Variants in TIPRL observed in about 807,000 individuals in gnomAD.
The protein encoded by TIPRL is TOR signaling pathway regulator.
A neutral mutation model predicts 32.3 loss-of-function variants in TIPRL; 10 were observed. The ratio of observed to expected loss-of-function variants is 0.31; its 90% CI spans 0.19 to 0.52. TIPRL has a LOEUF of 0.52. Among genes scored for constraint, TIPRL ranks in the 20% least tolerant of loss-of-function variants. TIPRL has a pLI of 0.96. For synonymous variants in TIPRL, 100 were observed against 114.0 expected (o/e 0.88, Z 0.78); for missense variants, 250 against 328.1 (o/e 0.76, Z 1.84).
intron 4 of TIPRL, chr1:168,192,191 A>G (rs1700107134): frequency 6.7e-7 from 1 of 1,492,234 alleles, no homozygotes; most frequent in South Asian, 1.3e-5. Context: ...TCATTCAACT[A>G]CCACTTCAAT....
At chr1:168,199,043 C>A in intron 6 of TIPRL, 62 bp downstream of exon 6, 1 of 1,328,930 alleles carries the variant, frequency 7.5e-7, no homozygotes, top group Non-Finnish European at 1.1e-6. Context: ...ATTTAAGTAG[C>A]ATATACCCCT....
At chr1:168,195,471 A>T (rs1700141913) in intron 4 of TIPRL, among the ~76,000 whole-genome samples, 1 of 152,110 alleles carries the variant, frequency 6.6e-6, no homozygotes, top group African/African-American at 2.4e-5. Context: ...GAGCATTGGG[A>T]TTCTATTTTT....
At chr1:168,198,280 T>C (rs1700178496) in intron 5 of TIPRL, among the ~76,000 whole-genome samples, 1 of 152,096 alleles carries the variant, frequency 6.6e-6, no homozygotes. Context: ...TATTAATCTG[T>C]TTTTATTAAT....
At chr1:168,183,614 T>C (rs1699993532) in intron 1 of TIPRL, among the ~76,000 whole-genome samples, 1 of 152,144 alleles carries the variant, frequency 6.6e-6, no homozygotes, top group East Asian at 1.9e-4. Flanking sequence ...CCTCATGATA[T>C]ATATTATAGT....
chr1:168,195,589 T>G (rs1420849764), intron 4 of TIPRL, among the ~76,000 whole-genome samples: 1 of 152,206 alleles, frequency 6.6e-6, no homozygotes, highest in Non-Finnish European at 1.5e-5. Context: ...AATTAATTAA[T>G]TTTGGGACAG....
At chr1:168,197,378 C>T (rs10753766) in intron 5 of TIPRL, among the ~76,000 whole-genome samples, 78,632 of 151,762 alleles carry the variant, frequency 0.52, 23,721 homozygotes, top group African/African-American at 0.83. Context: ...TGGATTGATG[C>T]TTTCTAAACC....
At chr1:168,182,233 AATATTTAAGGC>A (rs1270688183) in intron 1 of TIPRL, among the ~76,000 whole-genome samples, 1 of 152,210 alleles carries the variant, frequency 6.6e-6, no homozygotes, top group Non-Finnish European at 1.5e-5. Flanking sequence ...TCTTCTAATG[AATATTTAAGGC>A]ACCTTAAAAC....
In TIPRL at chr1:168,184,770, G is replaced by A. The variant is rs1466257642; in HGVS notation, c.285-9G>A. ...ACTGAATCTGATCCTTCTCATTTTG[G>A]TATTTGAGGACGGAGGGTGAACACT... On this transcript the variant is annotated splice_polypyrimidine_tract_variant and intron_variant, in intron 2 of 6. Coordinates refer to ENST00000367833, the MANE Select transcript of TIPRL (RefSeq NM_152902.5). 7 of 1,581,312 alleles carry A rather than the reference G, an allele frequency of 4.4e-6. No homozygotes were observed. Among genetic ancestry groups the A allele is most frequent in the African/African-American group, 1.3e-5 (1 of 74,148 alleles).
rs975728838 is a variant in TIPRL, at chr1:168,183,354, G to T, written c.105-548G>T. Among the ~76,000 whole-genome samples the T allele has an allele frequency of 2.8e-5, 4 of 144,938 alleles. No homozygotes were observed. The South Asian group carries it at 8.5e-4, about 31-fold the overall frequency. On this transcript the variant is annotated intron_variant, in intron 1 of 6. Coordinates refer to ENST00000367833, the MANE Select transcript of TIPRL (RefSeq NM_152902.5). ...AACTGATACTTTGGGTCATAAGTGT[G>T]TAAATTATGTTAAATTCCTGTGATT... is the stretch of plus-strand genomic sequence containing the variant.
intron 4 of TIPRL, chr1:168,192,366 T>A (rs939242808): frequency 8.7e-4 from 806 of 927,958 alleles, no homozygotes; most frequent in Non-Finnish European, 9.8e-4. Flanking sequence ...AAAAAAAAAA[T>A]AAAATAAAAT....
At chr1:168,191,295 GACT>G in intron 3 of TIPRL, 71 bp from the exon 4 acceptor site, 2 of 1,344,554 alleles carry the variant, frequency 1.5e-6, no homozygotes, top group Non-Finnish European at 2.0e-6. Flanking sequence ...GAAAAGAAAA[GACT>G]GCTTTCCTGT....
chr1:168,188,336 G>A (rs1558163687), intron 3 of TIPRL, among the ~76,000 whole-genome samples: 1 of 152,124 alleles, frequency 6.6e-6, no homozygotes, highest in Non-Finnish European at 1.5e-5. Flanking sequence ...ACAGAGCTCT[G>A]CAAACTTCTT....
At chr1:168,199,466 A>G (rs1700187688) in intron 6 of TIPRL, among the ~76,000 whole-genome samples, 1 of 152,280 alleles carries the variant, frequency 6.6e-6, no homozygotes, top group East Asian at 1.9e-4. Context: ...GTTGCTTAAA[A>G]ATTGGTACCT....
chr1:168,194,513 G>T (rs776589642), intron 4 of TIPRL, among the ~76,000 whole-genome samples: 55 of 152,032 alleles, frequency 3.6e-4, no homozygotes, highest in Non-Finnish European at 7.2e-4. Context: ...TGTGACTGTT[G>T]GTAACTAATT....
Position 168,200,539 on chromosome 1 carries a change from G to A in TIPRL, c.*493G>A, listed in dbSNP as rs1700198874. ...TGCCACATACGAAATTAGTCTCATA[G>A]TGTAGTGAACTTCAACCCCAAAATT... On this transcript the variant is annotated 3_prime_UTR_variant, in exon 7 of 7. Transcript: ENST00000367833. The A allele has an allele frequency of 6.6e-6, 1 of 151,976 alleles. No individual in the cohort carries two copies. Among genetic ancestry groups the A allele is most frequent in the South Asian group, 2.1e-4 (1 of 4,830 alleles). 9.4% of individuals were successfully genotyped at this position (151,976 alleles called of 1,614,324 possible).
In TIPRL at chr1:168,196,533, T is replaced by C; in HGVS notation, c.517-14T>C. The stretch of plus-strand genomic sequence containing the variant: ...TTTATTAAAATATTAATGTACCTTT[T>C]TTTTTTTTTCCAGAGAGTAATGCCT... On this transcript the variant is annotated splice_polypyrimidine_tract_variant and intron_variant, in intron 4 of 6. Coordinates refer to ENST00000367833, the MANE Select transcript of TIPRL (RefSeq NM_152902.5). The C allele has an allele frequency of 6.6e-7, 1 of 1,506,964 alleles. No individual in the cohort carries two copies. Among genetic ancestry groups the C allele is most frequent in the Non-Finnish European group, 8.9e-7 (1 of 1,126,440 alleles). The allele number at this position is 1,506,964 out of a possible 1,614,324, so 93.3% of individuals were successfully genotyped here.
chr1:168,192,112 G>A (rs973047327), intron 4 of TIPRL: 9 of 1,269,948 alleles, frequency 7.1e-6, no homozygotes, highest in Non-Finnish European at 9.1e-6. Context: ...AAATGATGTT[G>A]ATAGGATCTG....
chr1:168,184,195 G>A (rs1700001431), intron 2 of TIPRL, 114 bp downstream of exon 2: 5 of 973,134 alleles, frequency 5.1e-6, no homozygotes, highest in South Asian at 4.5e-5. Flanking sequence ...ATGAAGGGCT[G>A]GTATTATTAA....
chr1:168,185,608 TAA>T (rs3215454), intron 3 of TIPRL, among the ~76,000 whole-genome samples: 5 of 145,968 alleles, frequency 3.4e-5, no homozygotes, highest in Admixed American at 6.8e-5. Context: ...CCTTGTCTAT[TAA>T]AAAAAAAAAA....
Sources: allele counts gnomAD v4.1 joint callset (sites outside exome capture counted in the v4.1 genomes callset), GRCh38; gene constraint gnomAD v4.1.1; transcripts MANE v1.5; gene names NCBI Gene and HGNC (gene_info 2026-07-23, HGNC 2026-07-21).